ANO2: variants seen among roughly 807,000 people sequenced by gnomAD.
ANO2 encodes anoctamin-2.
A neutral mutation model predicts 124.2 loss-of-function variants in ANO2; 101 were observed. The observed-to-expected ratio is 0.81, with a 90% confidence interval of 0.69 to 0.96. The LOEUF is 0.96. Among genes scored for constraint, ANO2 ranks in the 40% least tolerant of loss-of-function variants. The probability of loss-of-function intolerance (pLI) is 0.00; values close to 1 mark genes in which losing one functional copy is unlikely to be tolerated. For synonymous variants in ANO2, 486 were observed against 482.5 expected (o/e 1.01, Z -0.09); for missense variants, 1,293 against 1,274.5 (o/e 1.01, Z -0.22).
chr12:5,923,842 C>A (rs1275461892), intron 1 of ANO2, among the ~76,000 whole-genome samples: 2 of 152,212 alleles, frequency 1.3e-5, no homozygotes, highest in Non-Finnish European at 2.9e-5. Flanking sequence ...CTGAGAAACA[C>A]TTCCTAGAAA....
intron 20 of ANO2, among the ~76,000 whole-genome samples, chr12:5,594,529 C>T (rs1423357855): frequency 6.6e-6 from 1 of 152,172 alleles, no homozygotes; most frequent in East Asian, 1.9e-4. Flanking sequence ...CTACCATTTG[C>T]TTTTCCTTGT....
chr12:5,825,732 A>T (rs982371075), intron 7 of ANO2, among the ~76,000 whole-genome samples: 1 of 152,222 alleles, frequency 6.6e-6, no homozygotes, highest in African/African-American at 2.4e-5. Context: ...AAGAGTGTAC[A>T]TGCAATACAG....
intron 16 of ANO2, among the ~76,000 whole-genome samples, chr12:5,628,098 T>G (rs1394347140): frequency 6.6e-6 from 1 of 152,150 alleles, no homozygotes; most frequent in Non-Finnish European, 1.5e-5. Flanking sequence ...AGACCCTGTC[T>G]ATTTTTGAAA....
At position 5,658,451 on chromosome 12, in the gene ANO2, ACATCAT is replaced by A. The variant is rs61139604; in HGVS notation, c.1546-10656_1546-10651del. 1.1e-4 allele frequency among the ~76,000 whole-genome samples: 17 copies of A among 150,796 alleles called. No individual in the cohort carries two copies. The highest frequency in any genetic ancestry group is 2.1e-4 in the Non-Finnish European group (14 of 67,528). On this transcript the variant is annotated intron_variant, in intron 14 of 24. Coordinates refer to ENST00000682330, the MANE Select transcript of ANO2 (RefSeq NM_001364791.2). This position sits in a 1 kb window ranked among gnomAD's most constrained non-coding sequence, Gnocchi z 4.3. ...ACCATCAAAATTAACATAATCATCA[ACATCAT>A]CATCATATCATCACTATCATCATCA...
intron 8 of ANO2, 96 bp from the exon 9 acceptor site, chr12:5,806,189 T>G (rs1953186364): frequency 1.5e-6 from 2 of 1,292,060 alleles, no homozygotes; most frequent in South Asian, 2.8e-5. Context: ...CTAATATCAT[T>G]GCTTTTTTTT....
At chr12:5,782,832 A>T (rs1466857797) in intron 10 of ANO2, among the ~76,000 whole-genome samples, 1 of 152,240 alleles carries the variant, frequency 6.6e-6, no homozygotes, top group Non-Finnish European at 1.5e-5. Context: ...CATGGGCTCC[A>T]ATGGAAAATA....
intron 3 of ANO2, among the ~76,000 whole-genome samples, chr12:5,911,362 C>G (rs998076309): frequency 6.6e-6 from 1 of 152,182 alleles, no homozygotes; most frequent in African/African-American, 2.4e-5. Context: ...CAACCAGCCC[C>G]AGACCGATAA....
intron 24 of ANO2, among the ~76,000 whole-genome samples, chr12:5,564,171 C>A (rs1399949768): frequency 6.6e-6 from 1 of 152,200 alleles, no homozygotes; most frequent in Non-Finnish European, 1.5e-5. Context: ...GCAGCCACCT[C>A]GGCTAACCCT....
At chr12:5,932,849 G>A (rs1052260323) in intron 1 of ANO2, among the ~76,000 whole-genome samples, 6 of 152,212 alleles carry the variant, frequency 3.9e-5, no homozygotes, top group African/African-American at 1.4e-4. Flanking sequence ...GCTCTCCCTA[G>A]AGCTGTCAGG....
chr12:5,653,965 C>T (rs138023636), intron 14 of ANO2, among the ~76,000 whole-genome samples: 91 of 152,192 alleles, frequency 6.0e-4, no homozygotes, highest in Middle Eastern at 3.4e-3. Flanking sequence ...CAAATGGCTC[C>T]GTGTAATGAG....
chr12:5,905,173 T>C (rs763098808), intron 3 of ANO2, among the ~76,000 whole-genome samples: 20 of 151,922 alleles, frequency 1.3e-4, no homozygotes, highest in Non-Finnish European at 2.4e-4. Flanking sequence ...GCTGAAAGAA[T>C]TGAAGGGAGC....
intron 3 of ANO2, among the ~76,000 whole-genome samples, chr12:5,905,791 A>C (rs981134536): frequency 6.6e-6 from 1 of 152,148 alleles, no homozygotes; most frequent in Non-Finnish European, 1.5e-5. Context: ...GAAAGATACA[A>C]AAAAAATCTG....
intron 3 of ANO2, among the ~76,000 whole-genome samples, chr12:5,920,818 G>A (rs1161462863): frequency 6.6e-6 from 1 of 152,088 alleles, no homozygotes; most frequent in Non-Finnish European, 1.5e-5. Flanking sequence ...AGTGAGCCAA[G>A]ATCACACCAC....
At chr12:5,712,846 G>A (rs556661826) in intron 14 of ANO2, among the ~76,000 whole-genome samples, 114 of 152,314 alleles carry the variant, frequency 7.5e-4, no homozygotes, top group African/African-American at 2.6e-3. Context: ...ACCAAGAGAC[G>A]CTCAGAGAGC....
intron 3 of ANO2, among the ~76,000 whole-genome samples, chr12:5,916,553 T>C (rs1386083206): frequency 6.7e-6 from 1 of 150,130 alleles, no homozygotes; most frequent in Non-Finnish European, 1.5e-5. Context: ...TGAATTTTAG[T>C]TAATGATAAT....
rs1950689053 is a variant in ANO2, at chr12:5,732,607, T to C, written c.1458A>G (p.Glu486=). ...TTAGCATTTTCTCTCGAACTTTGGT[T>C]TCATACTCAGGCCTGGAATGTTCCT... is the stretch of plus-strand genomic sequence containing the variant. ...EEEEHSRPEY[E]TKVREKMLKE... Residue 486 remains glutamate (E), a synonymous_variant, in exon 14 of 25, where the codon GAA becomes GAG. Transcript: ENST00000682330. The C allele has an allele frequency of 1.2e-6, 2 of 1,613,570 alleles. No homozygotes were observed. The highest frequency in any genetic ancestry group is 2.2e-5 in the South Asian group (2 of 91,040).
At chr12:5,578,699 C>T (rs1217545725) in intron 20 of ANO2, among the ~76,000 whole-genome samples, 181 bp from the exon 21 acceptor site, 1 of 152,198 alleles carries the variant, frequency 6.6e-6, no homozygotes, top group Non-Finnish European at 1.5e-5. Flanking sequence ...TACCTGCAGG[C>T]CTGTTGGTCA....
chr12:5,844,322 A>C (rs7486862), intron 4 of ANO2, among the ~76,000 whole-genome samples: 10,570 of 152,254 alleles, frequency 0.069, 557 homozygotes, highest in African/African-American at 0.15. Flanking sequence ...GCCCGGTGAC[A>C]TTACCAGGCT....
Position 5,921,294 on chromosome 12 carries a change from C to T in ANO2, c.280G>A (p.Asp94Asn), listed in dbSNP as rs1463611002. The T allele has an allele frequency of 6.2e-7, 1 of 1,613,980 alleles. No individual in the cohort carries two copies. Among genetic ancestry groups the T allele is most frequent in the Admixed American group, 1.7e-5 (1 of 60,030 alleles). Residue 94 changes from aspartate to asparagine, a missense_variant, in exon 3 of 25, where the codon GAC (aspartate) becomes AAC (asparagine). By Grantham distance (23) the Asp-to-Asn change is conservative (BLOSUM62 1). Transcript: ENST00000682330. Reference sequence around the variant, plus strand: ...ACATAGTCGACCTTCCTCTGACTGTCATGGAAGTGCATGCGGCTAAGACGG... The same window carrying T: ...ACATAGTCGACCTTCCTCTGACTGTTATGGAAGTGCATGCGGCTAAGACGG... ...EARLSRMHFH[D>N]SQRKVDYVLA...
Sources: allele counts gnomAD v4.1 joint callset (sites outside exome capture counted in the v4.1 genomes callset), GRCh38; gene constraint gnomAD v4.1.1; non-coding constraint Gnocchi (gnomAD v3.1); transcripts MANE v1.5; gene names NCBI Gene and HGNC (gene_info 2026-07-23, HGNC 2026-07-21).